ANKMY1: variants seen among roughly 807,000 people sequenced by gnomAD.
ANKMY1 encodes the protein ankyrin repeat and MYND domain containing 1.
Under a neutral mutation model 102.0 loss-of-function variants are expected in ANKMY1, and 98 were observed. That is an observed-to-expected ratio of 0.96 (90% CI 0.82 to 1.14). The LOEUF (loss-of-function observed/expected upper bound fraction) is 1.14. Ranked by LOEUF, ANKMY1 falls within the 50% of genes most tolerant of loss-of-function variation. The pLI is 0.00. For missense variants in ANKMY1, 1,330 were observed against 1,347.6 expected, an observed-to-expected ratio of 0.99 and a Z score of 0.20; for synonymous variants, 582 against 559.9, an observed-to-expected ratio of 1.04 and a Z score of -0.56.
In ANKMY1 at chr2:240,524,206, TG is replaced by T. The variant is rs776459397; in HGVS notation, c.1510del (p.Gln504ArgfsTer10). On this transcript the variant is annotated frameshift_variant, in exon 8 of 18. Transcript: ENST00000401804. LOFTEE classifies it high-confidence loss of function. Reference protein sequence around the residue: ...VSGSHEGGHFQDTGQCGGSID... With the variant: ...VSGSHEGGHFXDTGQCGGSID... ...GGACCCCCCACACTGCCCGGTGTCC[TG>T]GAAGTGGCCGCCCTCGTGGCTGCCT... 3.1e-6 allele frequency: 5 copies of T among 1,613,794 alleles called. No homozygotes were observed. Among genetic ancestry groups the T allele is most frequent in the South Asian group, 1.1e-5 (1 of 91,084 alleles).
intron 15 of ANKMY1, among the ~76,000 whole-genome samples, chr2:240,493,075 A>G (rs1293935544): frequency 6.6e-6 from 1 of 152,092 alleles, no homozygotes; most frequent in Non-Finnish European, 1.5e-5. Flanking sequence ...TGTAATCCCA[A>G]CACTTTGGGA....
At chr2:240,528,367 A>T (rs1004305433) in intron 5 of ANKMY1, among the ~76,000 whole-genome samples, 1 of 140,736 alleles carries the variant, frequency 7.1e-6, no homozygotes, top group Non-Finnish European at 1.5e-5. Flanking sequence ...GTAGGGTAGG[A>T]GGGTTTTTGG....
At chr2:240,523,566 G>C in intron 8 of ANKMY1, 1 of 412,868 alleles carries the variant, frequency 2.4e-6, no homozygotes, top group Non-Finnish European at 4.5e-6. Context: ...CCCTGACAGT[G>C]GCCCCTGCTG....
chr2:240,538,894 C>T (rs2087740784), intron 4 of ANKMY1, among the ~76,000 whole-genome samples: 1 of 151,888 alleles, frequency 6.6e-6, no homozygotes, highest in Non-Finnish European at 1.5e-5. Flanking sequence ...CTGTATCTAG[C>T]TAATCTGGTG....
chr2:240,473,010 A>AG, the ANKMY1 span, among the ~76,000 whole-genome samples: 110,433 of 151,476 alleles, frequency 0.73, 41,475 homozygotes, highest in African/African-American at 0.9. Context: ...TTGTAATCCC[A>AG]CTACTCAGGA....
In ANKMY1 at chr2:240,548,151, A is replaced by T. The variant is rs564638410; in HGVS notation, c.480+4763T>A. Among the ~76,000 whole-genome samples, 40 of 152,296 alleles carry T rather than the reference A, an allele frequency of 2.6e-4. No individual in the cohort carries two copies. The South Asian group carries it at 5.2e-3, about 20-fold the overall frequency. On this transcript the variant is annotated intron_variant, in intron 4 of 17. Transcript: ENST00000401804. The stretch of plus-strand genomic sequence containing the variant: ...CAAACCGAATCCAGCAGCACATCAA[A>T]AAGCTTATCCACCATGATCAAGTGG...
chr2:240,540,208 C>T (rs982545281), intron 4 of ANKMY1, among the ~76,000 whole-genome samples: 4 of 152,190 alleles, frequency 2.6e-5, no homozygotes, highest in African/African-American at 9.7e-5. Context: ...CTTTTTGGAC[C>T]TAACCAATGT....
intron 4 of ANKMY1, among the ~76,000 whole-genome samples, chr2:240,538,848 T>C (rs2087727012): frequency 6.6e-6 from 1 of 152,144 alleles, no homozygotes; most frequent in Non-Finnish European, 1.5e-5. Context: ...GCACTCTGTG[T>C]CTAGCTTGGG....
intron 9 of ANKMY1, among the ~76,000 whole-genome samples, chr2:240,517,591 C>T (rs1436424323): frequency 2.0e-5 from 3 of 152,166 alleles, no homozygotes; most frequent in Admixed American, 1.3e-4. Flanking sequence ...GGGAGGACTG[C>T]TTGAGTCCAG....
At chr2:240,548,242 A>C (rs1183901191) in intron 4 of ANKMY1, among the ~76,000 whole-genome samples, 1 of 152,242 alleles carries the variant, frequency 6.6e-6, no homozygotes, top group African/African-American at 2.4e-5. Context: ...CCAGCGTATA[A>C]ACAGAACCAA....
intron 13 of ANKMY1, among the ~76,000 whole-genome samples, chr2:240,504,545 T>C (rs1460941167): frequency 6.6e-6 from 1 of 151,986 alleles, no homozygotes; most frequent in Non-Finnish European, 1.5e-5. Flanking sequence ...GATTAACATC[T>C]AGAATAGATA....
chr2:240,513,781 C>T (rs2152245321), intron 9 of ANKMY1, among the ~76,000 whole-genome samples: 1 of 152,360 alleles, frequency 6.6e-6, no homozygotes, highest in South Asian at 2.1e-4. Flanking sequence ...GACAGCAGCC[C>T]CTGCGACCTC....
intron 13 of ANKMY1, among the ~76,000 whole-genome samples, chr2:240,507,277 C>T (rs1461934075): frequency 6.6e-6 from 1 of 151,978 alleles, no homozygotes; most frequent in African/African-American, 2.4e-5. Flanking sequence ...CCATGAGGAC[C>T]CCACCCCCAG....
At chr2:240,490,398 A>G (rs1252653664) in intron 15 of ANKMY1, among the ~76,000 whole-genome samples, 1 of 152,068 alleles carries the variant, frequency 6.6e-6, no homozygotes, top group African/African-American at 2.4e-5. Context: ...TGCTGTAGGC[A>G]TTTATTGCTA....
At chr2:240,507,481 C>G (rs2079293720) in intron 13 of ANKMY1, 79 bp downstream of exon 13, 2 of 1,491,352 alleles carry the variant, frequency 1.3e-6, no homozygotes, top group African/African-American at 2.8e-5. Flanking sequence ...GGCCACCCAG[C>G]CCTCACACCC....
At chr2:240,548,576 C>T (rs909333598) in intron 4 of ANKMY1, among the ~76,000 whole-genome samples, 1 of 151,906 alleles carries the variant, frequency 6.6e-6, no homozygotes. Context: ...GCCAAATTGT[C>T]CCTGTTTGCA....
rs1027022766 is a variant in ANKMY1 at position 240,486,554 on chromosome 2, T to G, written c.2807-4293A>C. On this transcript the variant is annotated intron_variant, in intron 15 of 17. Transcript: ENST00000401804. The stretch of plus-strand genomic sequence containing the variant: ...TGTAAGGGAAGGCTATAACAACCAA[T>G]TCTCACAGGTTTTATCTGGAAATAT... Among the ~76,000 whole-genome samples, 13 of 152,236 alleles carry G rather than the reference T, an allele frequency of 8.5e-5. 1 individual carries two copies. Among genetic ancestry groups the G allele is most frequent in the Admixed American group, 8.5e-4 (13 of 15,286 alleles).
intron 6 of ANKMY1, 37 bp downstream of exon 6, chr2:240,526,192 C>G: frequency 6.2e-7 from 1 of 1,612,000 alleles, no homozygotes; most frequent in Non-Finnish European, 8.5e-7. Flanking sequence ...CACAGCTAAG[C>G]TCCTGCGGGC....
chr2:240,478,638 C>G (rs895452414), downstream of ANKMY1, among the ~76,000 whole-genome samples: 7 of 152,124 alleles, frequency 4.6e-5, no homozygotes, highest in African/African-American at 1.7e-4. Flanking sequence ...TCTGCCCAGG[C>G]TCACTGCTGA....
Sources: allele counts gnomAD v4.1 joint callset (sites outside exome capture counted in the v4.1 genomes callset), GRCh38; gene constraint gnomAD v4.1.1; transcripts MANE v1.5; gene names NCBI Gene and HGNC (gene_info 2026-07-23, HGNC 2026-07-21).